The following SNX10 variants were observed in gnomAD, a reference collection of about 807,000 sequenced individuals.
The protein encoded by SNX10 is sorting nexin-10.
In SNX10, 25 loss-of-function variants were observed where a neutral mutation model predicts 28.5. That is an observed-to-expected ratio of 0.88 (90% CI 0.64 to 1.22). The LOEUF is 1.22. SNX10 is among the 50% of genes most tolerant of loss of function. The probability of loss-of-function intolerance (pLI) is 0.00; values close to 1 mark genes in which losing one functional copy is unlikely to be tolerated. For missense variants in SNX10, 223 were observed against 242.6 expected (o/e 0.92, Z 0.54); for synonymous variants, 62 against 81.4 (o/e 0.76, Z 1.28).
intron 1 of SNX10, among the ~76,000 whole-genome samples, chr7:26,330,387 C>G (rs1259299787): frequency 1.3e-5 from 2 of 151,894 alleles, no homozygotes. Context: ...GTGACCAGGA[C>G]AATTTGGGTT....
chr7:26,327,509 C>G (rs1787550056), intron 1 of SNX10, among the ~76,000 whole-genome samples: 1 of 152,176 alleles, frequency 6.6e-6, no homozygotes, highest in Non-Finnish European at 1.5e-5. Context: ...CACTTGACAG[C>G]TGGTAGATGC....
At chr7:26,344,382 T>C (rs921556677) in intron 1 of SNX10, among the ~76,000 whole-genome samples, 1 of 152,118 alleles carries the variant, frequency 6.6e-6, no homozygotes, top group South Asian at 2.1e-4. Context: ...TTGGCCAGGC[T>C]GGTCTCTAAC....
At chr7:26,324,935 G>A (rs1283664184) in intron 1 of SNX10, among the ~76,000 whole-genome samples, 1 of 151,930 alleles carries the variant, frequency 6.6e-6, no homozygotes, top group Non-Finnish European at 1.5e-5. Context: ...CATTTCTTTG[G>A]CTCTTTCACC....
At chr7:26,353,854 A>G (rs1202649716) in intron 2 of SNX10, among the ~76,000 whole-genome samples, 3 of 152,236 alleles carry the variant, frequency 2.0e-5, no homozygotes. Flanking sequence ...CAGTGTAAAT[A>G]CATGAACATG....
chr7:26,338,081 T>C (rs1377155114), intron 1 of SNX10, among the ~76,000 whole-genome samples: 4 of 152,178 alleles, frequency 2.6e-5, no homozygotes, highest in African/African-American at 9.6e-5. Context: ...CACGTCATCT[T>C]TGGAGAAACG....
intron 2 of SNX10, among the ~76,000 whole-genome samples, chr7:26,353,507 G>C (rs898034768): frequency 5.0e-5 from 7 of 140,308 alleles, no homozygotes; most frequent in Non-Finnish European, 1.1e-4. Context: ...GGAGTGCAGT[G>C]GCACGATCTC....
At chr7:26,294,397 T>C (rs1050584213) in intron 1 of SNX10, among the ~76,000 whole-genome samples, 2 of 152,198 alleles carry the variant, frequency 1.3e-5, no homozygotes, top group Non-Finnish European at 2.9e-5. Context: ...TTGCCTGTTA[T>C]TCAGAAATAA....
rs1785936861 is a variant in SNX10, at chr7:26,291,964, TC to T, written c.-145del. ...GAGCGCGGGGAGCGCGGGGCTGCGC[TC>T]GTGTGCGCTCCTGGGCGCTCGCCGC... On this transcript the variant is annotated 5_prime_UTR_variant, in exon 1 of 7. Coordinates refer to ENST00000338523, the MANE Select transcript of SNX10 (RefSeq NM_013322.3). 1 of 136,242 alleles carries T rather than the reference TC, an allele frequency of 7.3e-6. No individual in the cohort carries two copies. 8.4% of individuals were successfully genotyped at this position (136,242 alleles called of 1,614,324 possible).
intron 2 of SNX10, among the ~76,000 whole-genome samples, chr7:26,357,327 TAAA>T (rs372771552): frequency 9.1e-6 from 1 of 109,404 alleles, no homozygotes; most frequent in Non-Finnish European, 1.8e-5. Flanking sequence ...AAGAGAAGAT[TAAA>T]AAAAAAAAAA....
At chr7:26,293,440 A>C (rs954563933) in intron 1 of SNX10, among the ~76,000 whole-genome samples, 5 of 152,068 alleles carry the variant, frequency 3.3e-5, no homozygotes, top group African/African-American at 1.2e-4. Flanking sequence ...TCCTGAGCTC[A>C]AGCAATCCAC....
Position 26,365,050 on chromosome 7 carries a change from A to G in SNX10, c.216A>G (p.Gln72=). 5 of 1,596,264 alleles carry G rather than the reference A, an allele frequency of 3.1e-6. No homozygotes were observed. The East Asian group carries it at 8.9e-5, about 29-fold the overall frequency. ...ATTGTTTTTTCTTTCTCCTAAGACAACTGCCAGAACTTCCATCTAAAAACC... is the reference window on the plus strand; with the variant it reads ...ATTGTTTTTTCTTTCTCCTAAGACAGCTGCCAGAACTTCCATCTAAAAACC... ...QRLQSNALLV[Q]LPELPSKNLF... The change falls in exon 5 of 7, where the codon CAA becomes CAG. Residue 72 remains glutamine, a synonymous_variant. Transcript: ENST00000338523.
Position 26,360,758 on chromosome 7 carries a change from CA to C in SNX10, c.25-216del, listed in dbSNP as rs1789032925. 2.4e-6 allele frequency: 3 copies of C among 1,254,264 alleles called. No homozygotes were observed. The Admixed American group carries it at 1.1e-4, about 47-fold the overall frequency. 77.7% of individuals were successfully genotyped at this position (1,254,264 alleles called of 1,614,324 possible). A position where few individuals can be genotyped will look rare whatever the true frequency, so the allele number is the denominator to read the frequency against. The stretch of plus-strand genomic sequence containing the variant: ...CAGAAGTGCTCCCACCTCAGTGTTG[CA>C]TTATTTTAAAAATTCCATTATGTGG... On this transcript the variant is annotated intron_variant, in intron 2 of 6. Coordinates refer to ENST00000338523, the MANE Select transcript of SNX10 (RefSeq NM_013322.3).
At chr7:26,326,308 A>G (rs1489442355) in intron 1 of SNX10, among the ~76,000 whole-genome samples, 1 of 152,198 alleles carries the variant, frequency 6.6e-6, no homozygotes, top group African/African-American at 2.4e-5. Context: ...GGCACTTTAA[A>G]TCTCAAATAA....
At chr7:26,334,276 A>C (rs1787843768) in intron 1 of SNX10, among the ~76,000 whole-genome samples, 3 of 152,310 alleles carry the variant, frequency 2.0e-5, no homozygotes, top group African/African-American at 7.2e-5. Context: ...GGTAACTGGG[A>C]TATCCATCAC....
At chr7:26,358,159 T>C (rs34311960) in intron 2 of SNX10, among the ~76,000 whole-genome samples, 7,770 of 152,206 alleles carry the variant, frequency 0.051, 459 homozygotes, top group African/African-American at 0.15. Flanking sequence ...ATGTGGAGTC[T>C]TAGTGCTGCA....
At chr7:26,340,116 C>G (rs1191548091) in intron 1 of SNX10, among the ~76,000 whole-genome samples, 1 of 152,000 alleles carries the variant, frequency 6.6e-6, no homozygotes, top group African/African-American at 2.4e-5. Flanking sequence ...AACTTTTGGT[C>G]AGTAGTTTAC....
At chr7:26,367,820 T>C (rs1238557594) in intron 5 of SNX10, among the ~76,000 whole-genome samples, 1 of 152,198 alleles carries the variant, frequency 6.6e-6, no homozygotes, top group Non-Finnish European at 1.5e-5. Flanking sequence ...ACCTTGTTTG[T>C]AGAGGAATTT....
intron 1 of SNX10, among the ~76,000 whole-genome samples, chr7:26,317,409 A>C (rs974232997): frequency 6.6e-6 from 1 of 152,176 alleles, no homozygotes; most frequent in African/African-American, 2.4e-5. Context: ...TAGTATCTTC[A>C]TCTGTAAAAT....
chr7:26,309,095 G>C (rs1028779987), intron 1 of SNX10, among the ~76,000 whole-genome samples: 1 of 152,128 alleles, frequency 6.6e-6, no homozygotes, highest in African/African-American at 2.4e-5. Flanking sequence ...CCATTCATGG[G>C]GGACTGGGCC....
Sources: allele counts gnomAD v4.1 joint callset (sites outside exome capture counted in the v4.1 genomes callset), GRCh38; gene constraint gnomAD v4.1.1; transcripts MANE v1.5; gene names NCBI Gene and HGNC (gene_info 2026-07-23, HGNC 2026-07-21).